CCDC169: variants seen among roughly 807,000 people sequenced by gnomAD.
The protein encoded by CCDC169 is coiled-coil domain-containing protein 169.
A neutral mutation model predicts 36.0 loss-of-function variants in CCDC169; 30 were observed. The observed-to-expected ratio is 0.83, with a 90% confidence interval of 0.62 to 1.13. The LOEUF (loss-of-function observed/expected upper bound fraction) is 1.13, where lower values mean the gene tolerates loss of function less well. Ranked by LOEUF, CCDC169 falls within the 50% of genes most tolerant of loss-of-function variation. CCDC169 has a pLI of 0.00. For missense variants in CCDC169, 245 were observed against 245.9 expected (o/e 1.00, Z 0.03); for synonymous variants, 85 against 81.5 (o/e 1.04, Z -0.23).
At chr13:36,243,694 T>C (rs539557486) in intron 7 of CCDC169, among the ~76,000 whole-genome samples, 1 of 152,172 alleles carries the variant, frequency 6.6e-6, no homozygotes, top group East Asian at 1.9e-4. Context: ...TAATCCCAGC[T>C]ACTCGGGAGG....
intron 4 of CCDC169, among the ~76,000 whole-genome samples, chr13:36,262,072 G>C (rs1874676421): frequency 1.3e-5 from 2 of 152,132 alleles, no homozygotes; most frequent in African/African-American, 4.8e-5. Context: ...TTCATATAGA[G>C]GAATAACTGT....
Position 36,255,333 on chromosome 13 carries a change from C to T in CCDC169, c.316-1190G>A, listed in dbSNP as rs1401152042. ...GAGTGGGGAGGGTCAGCTACAGCTTCGGGAACTCTCCCACAGGCTGTGCCC... is the reference window on the plus strand; with the variant it reads ...GAGTGGGGAGGGTCAGCTACAGCTTTGGGAACTCTCCCACAGGCTGTGCCC... On this transcript the variant is annotated intron_variant, in intron 4 of 7. Coordinates refer to ENST00000239859, the MANE Select transcript of CCDC169 (RefSeq NM_001144981.3). Among the ~76,000 whole-genome samples the T allele has an allele frequency of 3.3e-5, 5 of 152,100 alleles. No homozygotes were observed. The East Asian group carries it at 7.7e-4, about 24-fold the overall frequency.
At chr13:36,222,522 G>A (rs1869667958), downstream of CCDC169, 1 of 152,200 alleles carries the variant, frequency 6.6e-6, no homozygotes, top group South Asian at 2.1e-4. Context: ...CCAGTGTTGA[G>A]TGTCCCAGCT....
At chr13:36,297,597 G>C (rs374251563) in intron 1 of CCDC169, 40 bp downstream of exon 1, 1 of 1,535,982 alleles carries the variant, frequency 6.5e-7, no homozygotes, top group Admixed American at 2.0e-5. Flanking sequence ...GGCTCGGGGG[G>C]TGTGGACGGG....
chr13:36,290,812 C>T (rs370092830), intron 2 of CCDC169, among the ~76,000 whole-genome samples: 17 of 152,040 alleles, frequency 1.1e-4, no homozygotes, highest in South Asian at 4.2e-4. Context: ...TGGCCTAAAA[C>T]GTTTAATTGG....
At chr13:36,234,504 C>G (rs1393232513) in intron 7 of CCDC169, among the ~76,000 whole-genome samples, 1 of 151,962 alleles carries the variant, frequency 6.6e-6, no homozygotes, top group Non-Finnish European at 1.5e-5. Context: ...TAACAAATTC[C>G]AAGATGAATA....
At chr13:36,285,712 TAC>T (rs1379520048) in intron 2 of CCDC169, among the ~76,000 whole-genome samples, 2 of 152,082 alleles carry the variant, frequency 1.3e-5, no homozygotes, top group Non-Finnish European at 2.9e-5. Context: ...GCTTGCCACT[TAC>T]AGAGTCCAAT....
chr13:36,266,353 C>G (rs1349490357), intron 4 of CCDC169, among the ~76,000 whole-genome samples: 1 of 152,046 alleles, frequency 6.6e-6, no homozygotes, highest in Non-Finnish European at 1.5e-5. Context: ...CTCTTCTAGC[C>G]CTTATTAGGG....
At chr13:36,292,506 C>T (rs191736038) in intron 2 of CCDC169, among the ~76,000 whole-genome samples, 12 of 152,234 alleles carry the variant, frequency 7.9e-5, no homozygotes, top group African/African-American at 2.9e-4. Context: ...AAATTTTCTA[C>T]ATACAGTTTC....
intron 2 of CCDC169, among the ~76,000 whole-genome samples, chr13:36,291,299 T>C (rs1925848): frequency 0.6 from 90,954 of 152,036 alleles, 28,246 homozygotes; most frequent in Non-Finnish European, 0.69. Context: ...TTCCCAAATT[T>C]ATTTTATTCT....
At chr13:36,267,738 C>T (rs1456807213) in intron 4 of CCDC169, among the ~76,000 whole-genome samples, 1 of 151,946 alleles carries the variant, frequency 6.6e-6, no homozygotes, top group African/African-American at 2.4e-5. Flanking sequence ...CATATAAACT[C>T]AAGGTAAAAG....
chr13:36,285,335 G>A (rs1311964305), intron 2 of CCDC169, among the ~76,000 whole-genome samples: 2 of 151,974 alleles, frequency 1.3e-5, no homozygotes, highest in Non-Finnish European at 2.9e-5. Context: ...GATCACTTGA[G>A]GTCAGGAGTT....
chr13:36,241,844 G>A (rs1246383679), intron 7 of CCDC169, among the ~76,000 whole-genome samples: 1 of 152,188 alleles, frequency 6.6e-6, no homozygotes, highest in Non-Finnish European at 1.5e-5. Context: ...CAAATCTCAT[G>A]TTGAATTGTA....
At chr13:36,290,284 AATAAT>A (rs1286396961) in intron 2 of CCDC169, among the ~76,000 whole-genome samples, 17 of 152,198 alleles carry the variant, frequency 1.1e-4, no homozygotes, top group African/African-American at 3.6e-4. Flanking sequence ...CTCTATCTAA[AATAAT>A]ATAATTTATT....
At chr13:36,233,704 C>G (rs984612467) in intron 7 of CCDC169, among the ~76,000 whole-genome samples, 2 of 152,262 alleles carry the variant, frequency 1.3e-5, no homozygotes, top group East Asian at 3.9e-4. Flanking sequence ...CAGATTGGAG[C>G]AGACACAAGA....
At chr13:36,235,680 A>G (rs1870983985) in intron 7 of CCDC169, among the ~76,000 whole-genome samples, 1 of 152,040 alleles carries the variant, frequency 6.6e-6, no homozygotes, top group African/African-American at 2.4e-5. Flanking sequence ...AAGAAAAAAA[A>G]AAGAAGTAAA....
At chr13:36,261,754 G>A (rs936491148) in intron 4 of CCDC169, among the ~76,000 whole-genome samples, 4 of 152,158 alleles carry the variant, frequency 2.6e-5, no homozygotes, top group Non-Finnish European at 4.4e-5. Flanking sequence ...TGCCTGTTCC[G>A]TAGGAAAGCT....
At position 36,278,028 on chromosome 13, in the gene CCDC169, A is replaced by T. The variant is rs1877054974; in HGVS notation, c.315+5441T>A. Among the ~76,000 whole-genome samples the T allele has an allele frequency of 2.0e-5, 3 of 152,202 alleles. No individual in the cohort carries two copies. The South Asian group carries it at 6.2e-4, about 32-fold the overall frequency. On this transcript the variant is annotated intron_variant, in intron 4 of 7. Transcript: ENST00000239859. Reference sequence around the variant, plus strand: ...GTACCAAAAGATTCAGAAGATTCACAACTTATATAACAGCACAGCTTAATA... The same window carrying T: ...GTACCAAAAGATTCAGAAGATTCACTACTTATATAACAGCACAGCTTAATA...
chr13:36,270,174 T>C (rs1442812400), intron 4 of CCDC169, among the ~76,000 whole-genome samples: 2 of 151,530 alleles, frequency 1.3e-5, no homozygotes, highest in Admixed American at 6.6e-5. Context: ...TCTTTTACAA[T>C]AGCTGCAAAA....
Sources: gnomAD v4.1 joint callset for allele counts (sites outside exome capture counted in the v4.1 genomes callset) on GRCh38, gnomAD v4.1.1 for gene constraint, MANE v1.5 for transcripts, NCBI Gene and HGNC (gene_info 2026-07-23, HGNC 2026-07-21) for gene names.